The following RNF213 variants were observed in gnomAD, a reference collection of about 807,000 sequenced individuals.
RNF213 encodes the protein ring finger protein 213.
RNF213 carries 341 observed loss-of-function variants against 514.4 expected under a neutral mutation model. The observed-to-expected ratio is 0.66, with a 90% CI of 0.61 to 0.73. The LOEUF is 0.73. Among genes scored for constraint, RNF213 ranks in the 30% least tolerant of loss-of-function variants. The pLI, the probability that RNF213 is intolerant of heterozygous loss-of-function variation, is 0.00. For synonymous variants in RNF213, 2,655 were observed against 2,658.2 expected (o/e 1.00, Z 0.04); for missense variants, 5,767 against 6,615.6 (o/e 0.87, Z 4.45).
In RNF213 at chr17:80,377,247, T is replaced by G. The variant is rs1320333715; in HGVS notation, c.13510+284T>G. The G allele has an allele frequency of 8.3e-6, 4 of 480,690 alleles. No homozygotes were observed. Among genetic ancestry groups the G allele is most frequent in the Non-Finnish European group, 1.5e-5 (4 of 262,748 alleles). The allele number at this position is 480,690 out of a possible 1,614,324, so 29.8% of individuals were successfully genotyped here. ...TGCCATTTTGGGAGAAGGGAGGGAC[T>G]GGGAACCACATCAGAGACGCATTCA... On this transcript the variant is annotated intron_variant, in intron 53 of 67. Coordinates refer to ENST00000582970, the MANE Select transcript of RNF213 (RefSeq NM_001256071.3). The surrounding 1 kb of genome is among the most constrained non-coding windows in gnomAD (Gnocchi z 4.1).
In RNF213 at chr17:80,289,916, G is replaced by A. The variant is rs936805548; in HGVS notation, c.1112+79G>A. ...ACCCTCTCCCTGCACAACTCTCAGG[G>A]GATATCCAGGCTGCCCTTCTAGTCA... On this transcript the variant is annotated intron_variant, in intron 6 of 67. Coordinates refer to ENST00000582970, the MANE Select transcript of RNF213 (RefSeq NM_001256071.3). 3.5e-6 allele frequency: 5 copies of A among 1,439,258 alleles called. No homozygotes were observed. The African/African-American group carries it at 5.7e-5, about 16-fold the overall frequency. The allele number at this position is 1,439,258 out of a possible 1,614,324, so 89.2% of individuals were successfully genotyped here.
Position 80,288,911 on chromosome 17 carries a change from A to G in RNF213, c.933+156A>G, listed in dbSNP as rs922983321. On this transcript the variant is annotated intron_variant, in intron 5 of 67. Coordinates refer to ENST00000582970, the MANE Select transcript of RNF213 (RefSeq NM_001256071.3). This position sits in a 1 kb window ranked among gnomAD's most constrained non-coding sequence, Gnocchi z 4.9. ...TCGGGGTGCTCACATTCCAGCGGAG[A>G]GAGAGTCAGGAAACCGACTTCAGCG... 6.6e-6 allele frequency among the ~76,000 whole-genome samples: 1 copy of G among 152,216 alleles called. No homozygotes were observed. The highest frequency in any genetic ancestry group is 1.5e-5 in the Non-Finnish European group (1 of 68,048).
chr17:80,349,549 C>A (rs991674177), intron 29 of RNF213, among the ~76,000 whole-genome samples: 2 of 152,170 alleles, frequency 1.3e-5, no homozygotes, highest in Admixed American at 6.5e-5. Flanking sequence ...ACCCTCGGGG[C>A]AGGGTGGGGT....
intron 11 of RNF213, among the ~76,000 whole-genome samples, chr17:80,305,322 G>A (rs958098167): frequency 3.3e-5 from 5 of 151,246 alleles, no homozygotes; most frequent in African/African-American, 1.2e-4. Context: ...GGGATTACAG[G>A]TGTGCGCCAC....
At chr17:80,271,226 TCTTA>T (rs1206058700) in intron 2 of RNF213, among the ~76,000 whole-genome samples, 5 of 152,146 alleles carry the variant, frequency 3.3e-5, no homozygotes, top group South Asian at 2.1e-4. Context: ...TTTCTCCAGC[TCTTA>T]CTTTCTGGCT....
At chr17:80,262,977 G>A (rs2043477007) in intron 1 of RNF213, among the ~76,000 whole-genome samples, 1 of 152,336 alleles carries the variant, frequency 6.6e-6, no homozygotes, top group South Asian at 2.1e-4. Context: ...TCTTACTGGG[G>A]AGGGAGAGAG....
In RNF213 at chr17:80,364,518, G is replaced by A. The variant is rs775479127; in HGVS notation, c.11836G>A (p.Gly3946Arg). Reference protein sequence around the residue: ...GTESRVPELQGLVTEHVFLLD... With the variant: ...GTESRVPELQRLVTEHVFLLD... The stretch of plus-strand genomic sequence containing the variant: ...CGAGAGCCGCGTCCCCGAGTTACAG[G>A]GGCTGGTGACCGAGCACGTCTTCTT... Residue 3946 changes from glycine (G) to arginine (R), a missense_variant, in exon 42 of 68, where the codon GGG (glycine) becomes AGG (arginine). By Grantham distance (125) the Gly-to-Arg change is moderately radical (BLOSUM62 -2). Around this residue, in one of 13 missense-constraint regions of RNF213, gnomAD observed 355 missense variants for 358.0 expected, o/e 0.99. Transcript: ENST00000582970. The A allele has an allele frequency of 1.2e-6, 2 of 1,614,170 alleles. No homozygotes were observed. Among genetic ancestry groups the A allele is most frequent in the Admixed American group, 1.7e-5 (1 of 60,020 alleles).
At position 80,397,397 on chromosome 17, in the gene RNF213, A is replaced by T. The variant is rs1288298721; in HGVS notation, c.*3899A>T. ...GCCTCCAAAGAGAGAAGTAAAAACT[A>T]AAAGGCAGAAATGAAATCCACAAGC... On this transcript the variant is annotated 3_prime_UTR_variant, in exon 68 of 68. Transcript: ENST00000582970. The T allele has an allele frequency of 6.6e-6, 1 of 152,148 alleles. No individual in the cohort carries two copies. Among genetic ancestry groups the T allele is most frequent in the Non-Finnish European group, 1.5e-5 (1 of 68,036 alleles). The allele number at this position is 152,148 out of a possible 1,614,324, so 9.4% of individuals were successfully genotyped here. A position where few individuals can be genotyped will look rare whatever the true frequency, so the allele number is the denominator to read the frequency against.
chr17:80,354,632 C>T, intron 36 of RNF213, 56 bp downstream of exon 36: 1 of 1,603,362 alleles, frequency 6.2e-7, no homozygotes, highest in Non-Finnish European at 8.5e-7. Context: ...GCATGGGGAC[C>T]TGCCTGCAGG....
chr17:80,342,767 A>G (rs1369673509), intron 26 of RNF213, among the ~76,000 whole-genome samples: 1 of 146,294 alleles, frequency 6.8e-6, no homozygotes, highest in Non-Finnish European at 1.5e-5. Flanking sequence ...TATATTATAT[A>G]TATATATTTT....
At position 80,373,021 on chromosome 17, in the gene RNF213, C is replaced by T. The variant is rs757807981; in HGVS notation, c.12798C>T (p.Phe4266=). The T allele has an allele frequency of 1.2e-6, 2 of 1,614,058 alleles. No homozygotes were observed. The highest frequency in any genetic ancestry group is 2.2e-5 in the South Asian group (2 of 91,070). The stretch of plus-strand genomic sequence containing the variant: ...GCTACCTGCAGCAAGTCAAGCAGTT[C>T]TGTATCCGGGTGGAGAACGACTGGC... The part of the protein sequence containing the change: ...KQCYLQQVKQ[F]CIRVENDWHR... Residue 4266 remains phenylalanine (F), a synonymous_variant, in exon 49 of 68, where the codon TTC becomes TTT. Coordinates refer to ENST00000582970, the MANE Select transcript of RNF213 (RefSeq NM_001256071.3).
chr17:80,322,145 T>TAC (rs2046157111), intron 17 of RNF213, among the ~76,000 whole-genome samples: 2 of 88,688 alleles, frequency 2.3e-5, no homozygotes, highest in African/African-American at 4.2e-5. Context: ...TTGCCCCTCA[T>TAC]CCCCCCCACC....
intron 3 of RNF213, among the ~76,000 whole-genome samples, chr17:80,280,598 C>T (rs988601725): frequency 6.6e-6 from 1 of 152,024 alleles, no homozygotes; most frequent in Non-Finnish European, 1.5e-5. Context: ...GGACTACAGG[C>T]GTGCACCACC....
chr17:80,339,564 A>G lies in RNF213; in HGVS notation c.5197A>G (p.Lys1733Glu). 2.6e-6 allele frequency: 4 copies of G among 1,537,202 alleles called. No homozygotes were observed. The highest frequency in any genetic ancestry group is 3.5e-6 in the Non-Finnish European group (4 of 1,146,904). ...DAALTMLSFI[K>E]SNCTLRDVLR... ...CGCCCTAACGATGCTATCCTTCATC[A>G]AAAGCAACTGCACCCTGAGGGATGT... is the stretch of plus-strand genomic sequence containing the variant. Residue 1733 changes from lysine (K) to glutamate (E), a missense_variant, in exon 26 of 68, where the codon AAA (lysine) becomes GAA (glutamate). Physicochemically the swap from Lys to Glu is moderately conservative, Grantham distance 56. Coordinates refer to ENST00000582970, the MANE Select transcript of RNF213 (RefSeq NM_001256071.3).
At chr17:80,386,933 G>C (rs1264044890) in intron 63 of RNF213, 42 bp downstream of exon 63, 36 of 1,561,842 alleles carry the variant, frequency 2.3e-5, no homozygotes, top group Middle Eastern at 2.1e-4. Flanking sequence ...TGGTGTGTCT[G>C]TTGTGAACAA....
rs1227192888 is a variant in RNF213 at position 80,307,134 on chromosome 17, C to T, written c.2434C>T (p.Gln812Ter). 6.2e-7 allele frequency: 1 copy of T among 1,612,170 alleles called. No individual in the cohort carries two copies. The highest frequency in any genetic ancestry group is 2.2e-5 in the East Asian group (1 of 44,872). Residue 812 changes from glutamine to a stop codon, truncating the protein, a stop_gained, in exon 13 of 68, where the codon CAG becomes TAG. Coordinates refer to ENST00000582970, the MANE Select transcript of RNF213 (RefSeq NM_001256071.3). LOFTEE classifies it high-confidence loss of function. The part of the protein sequence containing the change: ...LEQVLNTQDV[Q>*]DVQNVQNILE... ...CTTTTTTTCTCTGCCTTAGGATGTT[C>T]AGGATGTTCAGAACGTTCAGAACAT... is the stretch of plus-strand genomic sequence containing the variant.
intron 2 of RNF213, among the ~76,000 whole-genome samples, chr17:80,267,135 T>C (rs1266210852): frequency 6.6e-6 from 1 of 151,470 alleles, no homozygotes; most frequent in East Asian, 1.9e-4. Flanking sequence ...AAGAATTGCT[T>C]GAACCCAGGA....
rs2143655853 is a variant in RNF213, at chr17:80,311,762, G to A, written c.2656-1250G>A. Among the ~76,000 whole-genome samples the A allele has an allele frequency of 2.0e-5, 3 of 152,306 alleles. 1 individual carries two copies. Among genetic ancestry groups the A allele is most frequent in the Admixed American group, 2.0e-4 (3 of 15,294 alleles). On this transcript the variant is annotated intron_variant, in intron 14 of 67. Coordinates refer to ENST00000582970, the MANE Select transcript of RNF213 (RefSeq NM_001256071.3). ...GTGGGCCTCTCGGTGCTTCCAGTGA[G>A]CACCTGAGCGTATCCAGGTTCTGTG...
Position 80,363,300 on chromosome 17 carries a change from G to T in RNF213, c.11554G>T (p.Ala3852Ser). The T allele has an allele frequency of 6.2e-7, 1 of 1,613,870 alleles. No individual in the cohort carries two copies. The highest frequency in any genetic ancestry group is 8.5e-7 in the Non-Finnish European group (1 of 1,180,012). Residue 3852 changes from alanine to serine, a missense_variant, in exon 40 of 68, where the codon GCT becomes TCT. This residue lies in a region of RNF213 where 355 missense variants were observed against 358.0 expected (regional missense o/e 0.99). Transcript: ENST00000582970. ...LMEARWNHELAGCEMTLDAFA... is the reference protein window; with the variant it reads ...LMEARWNHELSGCEMTLDAFA... ...GGAAGCCCGTTGGAACCATGAGCTG[G>T]CTGGATGTGAGATGGTATGGCCCTC...
Sources: gnomAD v4.1 joint callset for allele counts (sites outside exome capture counted in the v4.1 genomes callset) on GRCh38, gnomAD v4.1.1 for gene constraint, gnomAD v4.1.1 regional missense constraint, Gnocchi (gnomAD v3.1) non-coding constraint, MANE v1.5 for transcripts, NCBI Gene and HGNC (gene_info 2026-07-23, HGNC 2026-07-21) for gene names.